Variants in APCDD1 observed in about 807,000 individuals in gnomAD.
APCDD1 encodes the protein APC down-regulated 1, also known as protein APCDD1.
In APCDD1, 15 loss-of-function variants were observed where a neutral mutation model predicts 38.1. The ratio of observed to expected loss-of-function variants is 0.39; its 90% CI spans 0.26 to 0.61. The LOEUF (loss-of-function observed/expected upper bound fraction) is 0.61. APCDD1 is among the 20% of genes least tolerant of loss of function. The pLI, the probability that APCDD1 is intolerant of heterozygous loss-of-function variation, is 0.49. For missense variants in APCDD1, 647 were observed against 696.2 expected (o/e 0.93, Z 0.79); for synonymous variants, 261 against 279.7 (o/e 0.93, Z 0.67).
intron 1 of APCDD1, among the ~76,000 whole-genome samples, chr18:10,455,879 C>T (rs777642325): frequency 2.0e-5 from 3 of 152,158 alleles, no homozygotes; most frequent in South Asian, 2.1e-4. Flanking sequence ...CCTGACAAGC[C>T]GTGGCAGATC....
intron 1 of APCDD1, among the ~76,000 whole-genome samples, chr18:10,459,318 A>ACG (rs1568000645): frequency 1.4e-5 from 2 of 146,690 alleles, no homozygotes; most frequent in Non-Finnish European, 3.0e-5. Context: ...ACAAGCGTGC[A>ACG]CACACACACA....
chr18:10,455,879 C>G (rs777642325), intron 1 of APCDD1, among the ~76,000 whole-genome samples: 1 of 152,158 alleles, frequency 6.6e-6, no homozygotes, highest in Admixed American at 6.5e-5. Context: ...CCTGACAAGC[C>G]GTGGCAGATC....
Position 10,487,652 on chromosome 18 carries a change from G to A in APCDD1, c.1159G>A (p.Gly387Arg), listed in dbSNP as rs375861639. 4.2e-5 allele frequency: 68 copies of A among 1,614,180 alleles called. No individual in the cohort carries two copies. The highest frequency in any genetic ancestry group is 2.7e-4 in the East Asian group (12 of 44,886). ...AGCCTCACTGCTCAACGTCTTCAACGGGAATGAGTGCGGGGCCGAGGGCTC... is the reference window on the plus strand; with the variant it reads ...AGCCTCACTGCTCAACGTCTTCAACAGGAATGAGTGCGGGGCCGAGGGCTC... ...ATASLLNVFN[G>R]NECGAEGSWQ... The change falls in exon 5 of 5, where the codon GGG (glycine) becomes AGG (arginine). Residue 387 changes from glycine (G) to arginine (R), a missense_variant. By Grantham distance (125) the Gly-to-Arg change is moderately radical. Coordinates refer to ENST00000355285, the MANE Select transcript of APCDD1 (RefSeq NM_153000.5).
chr18:10,488,767 G>C lies in APCDD1; in HGVS notation c.*729G>C, dbSNP rs931483080. 1 of 125,716 alleles carries C rather than the reference G, an allele frequency of 8.0e-6. No individual in the cohort carries two copies. The highest frequency in any genetic ancestry group is 1.7e-5 in the Non-Finnish European group (1 of 60,198). 7.8% of individuals were successfully genotyped at this position (125,716 alleles called of 1,614,324 possible). A position where few individuals can be genotyped will look rare whatever the true frequency, so the allele number is the denominator to read the frequency against. ...GGCTTGTTGGCTTCTGGTTGTTGCA[G>C]GAGGCATGTGGCTTCCTGCCTTCTC... On this transcript the variant is annotated 3_prime_UTR_variant, in exon 5 of 5. Coordinates refer to ENST00000355285, the MANE Select transcript of APCDD1 (RefSeq NM_153000.5).
rs906424488 is a variant in APCDD1, at chr18:10,469,629, G to A, written c.242+977G>A. Among the ~76,000 whole-genome samples, 4 of 152,204 alleles carry A rather than the reference G, an allele frequency of 2.6e-5. No homozygotes were observed. Among genetic ancestry groups the A allele is most frequent in the African/African-American group, 9.7e-5 (4 of 41,444 alleles). Reference sequence around the variant, plus strand: ...TAAATACACAAGAAGTACTATGAAAGTGGAGGGGTTGGGGCAGCAACAGGT... The same window carrying A: ...TAAATACACAAGAAGTACTATGAAAATGGAGGGGTTGGGGCAGCAACAGGT... On this transcript the variant is annotated intron_variant, in intron 2 of 4. Coordinates refer to ENST00000355285, the MANE Select transcript of APCDD1 (RefSeq NM_153000.5). The surrounding 1 kb of genome is among the most constrained non-coding windows in gnomAD (Gnocchi z 5.5).
Position 10,471,751 on chromosome 18 carries a change from A to C in APCDD1, c.464A>C (p.His155Pro). ...YQLHNVQVIC[H>P]TEAVAEKLGQ... ...CTGCACAACGTCCAGGTGATCTGCC[A>C]CACAGAGGCGGTGGCCGAGAAGCTC... The change falls in exon 3 of 5, where the codon CAC (histidine) becomes CCC (proline). Residue 155 changes from histidine to proline, a missense_variant. By Grantham distance (77) the His-to-Pro change is moderately conservative. Coordinates refer to ENST00000355285, the MANE Select transcript of APCDD1 (RefSeq NM_153000.5). This position sits in a 1 kb window ranked among gnomAD's most constrained non-coding sequence, Gnocchi z 5.5. 6.2e-7 allele frequency: 1 copy of C among 1,613,806 alleles called. No individual in the cohort carries two copies. The highest frequency in any genetic ancestry group is 8.5e-7 in the Non-Finnish European group (1 of 1,179,774).
At position 10,454,871 on chromosome 18, in the gene APCDD1, C is replaced by T; in HGVS notation, c.-111C>T. The T allele has an allele frequency of 8.5e-7, 1 of 1,182,712 alleles. No homozygotes were observed. The highest frequency in any genetic ancestry group is 4.8e-5 in the Admixed American group (1 of 20,676). 73.3% of individuals were successfully genotyped at this position (1,182,712 alleles called of 1,614,324 possible). A position where few individuals can be genotyped will look rare whatever the true frequency, so the allele number is the denominator to read the frequency against. ...GGGCGCGCGGCAGCCGCCTGAAGCC[C>T]CGGCCTGGCCCGGCCGCACCCGGCC... On this transcript the variant is annotated 5_prime_UTR_variant, in exon 1 of 5. Coordinates refer to ENST00000355285, the MANE Select transcript of APCDD1 (RefSeq NM_153000.5).
Position 10,470,343 on chromosome 18 carries a change from T to C in APCDD1, c.243-1187T>C, listed in dbSNP as rs118153609. ...AAATCTGGGGTGTTTGCTCTCTCCT[T>C]TTTCTAAGATTACAGATACCCCAGG... On this transcript the variant is annotated intron_variant, in intron 2 of 4. Transcript: ENST00000355285. The surrounding 1 kb of genome is among the most constrained non-coding windows in gnomAD (Gnocchi z 4.1). 1.3e-3 allele frequency among the ~76,000 whole-genome samples: 195 copies of C among 152,350 alleles called. 1 individual carries two copies. Among genetic ancestry groups the C allele is most frequent in the Middle Eastern group, 6.8e-3 (2 of 294 alleles).
At chr18:10,459,151 G>T (rs2030462504) in intron 1 of APCDD1, among the ~76,000 whole-genome samples, 1 of 152,222 alleles carries the variant, frequency 6.6e-6, no homozygotes, top group African/African-American at 2.4e-5. Flanking sequence ...GCCACCACTT[G>T]CCAGGTCCAC....
At position 10,485,031 on chromosome 18, in the gene APCDD1, T is replaced by C. The variant is rs1412417555; in HGVS notation, c.775-431T>C. The stretch of plus-strand genomic sequence containing the variant: ...TGAGGAACCACCTTACTGTTTTCCA[T>C]AGTGGCTGGACCATTGTATATTCTC... On this transcript the variant is annotated intron_variant, in intron 3 of 4. Transcript: ENST00000355285. The surrounding 1 kb of genome is among the most constrained non-coding windows in gnomAD (Gnocchi z 5.8). 1.3e-5 allele frequency among the ~76,000 whole-genome samples: 2 copies of C among 152,206 alleles called. No individual in the cohort carries two copies. Among genetic ancestry groups the C allele is most frequent in the Admixed American group, 6.5e-5 (1 of 15,282 alleles).
At chr18:10,479,245 G>A (rs558448836) in intron 3 of APCDD1, among the ~76,000 whole-genome samples, 26 of 152,262 alleles carry the variant, frequency 1.7e-4, no homozygotes, top group African/African-American at 5.8e-4. Context: ...TTTTTTATCC[G>A]AGGGAACAAA....
intron 3 of APCDD1, among the ~76,000 whole-genome samples, chr18:10,484,544 C>G (rs543193364): frequency 6.6e-6 from 1 of 152,236 alleles, no homozygotes; most frequent in East Asian, 1.9e-4. Context: ...TTTTCATCTT[C>G]CCAGACTGAA....
At chr18:10,482,090 GAC>G (rs1383547044) in intron 3 of APCDD1, among the ~76,000 whole-genome samples, 2 of 152,158 alleles carry the variant, frequency 1.3e-5, no homozygotes, top group South Asian at 4.1e-4. Context: ...GTTGCTCCTC[GAC>G]GTCATCCCAG....
chr18:10,459,636 A>G (rs2030479267), intron 1 of APCDD1, among the ~76,000 whole-genome samples: 2 of 152,252 alleles, frequency 1.3e-5, no homozygotes, highest in African/African-American at 4.8e-5. Context: ...CTTGATAAGC[A>G]GAAGTACCAC....
intron 1 of APCDD1, among the ~76,000 whole-genome samples, chr18:10,456,670 G>C (rs1020546745): frequency 6.6e-6 from 1 of 152,152 alleles, no homozygotes; most frequent in Non-Finnish European, 1.5e-5. Context: ...GAGAGGTAGG[G>C]GTTGTAATTA....
rs764361338 is a variant in APCDD1, at chr18:10,485,767, C to G, written c.1080C>G (p.Thr360=). 2 of 1,613,086 alleles carry G rather than the reference C, an allele frequency of 1.2e-6. No homozygotes were observed. Among genetic ancestry groups the G allele is most frequent in the Non-Finnish European group, 1.7e-6 (2 of 1,180,026 alleles). The change falls in exon 4 of 5, where the codon ACC becomes ACG. Residue 360 remains threonine, a synonymous_variant. Coordinates refer to ENST00000355285, the MANE Select transcript of APCDD1 (RefSeq NM_153000.5). This position sits in a 1 kb window ranked among gnomAD's most constrained non-coding sequence, Gnocchi z 5.8. ...TCTCGTCCAGGGTCATGGGAGGCAC[C>G]GAGTTCGTGTTCAAAGGTAGGATTC... ...GVLSSRVMGG[T]EFVFKVNHMK...
rs1010552502 is a variant in APCDD1, at chr18:10,475,161, A to G, written c.774+3100A>G. ...TAGAGTAAGTCGCCCTTCTGGGCCA[A>G]TGGCTCAGAGAGGAATGAAAATGAC... On this transcript the variant is annotated intron_variant, in intron 3 of 4. Coordinates refer to ENST00000355285, the MANE Select transcript of APCDD1 (RefSeq NM_153000.5). The surrounding 1 kb of genome is among the most constrained non-coding windows in gnomAD (Gnocchi z 4.0). Among the ~76,000 whole-genome samples, 2 of 152,238 alleles carry G rather than the reference A, an allele frequency of 1.3e-5. No homozygotes were observed. Among genetic ancestry groups the G allele is most frequent in the East Asian group, 1.9e-4 (1 of 5,190 alleles).
intron 3 of APCDD1, chr18:10,478,015 T>A (rs1337998625): frequency 6.6e-6 from 1 of 152,190 alleles, no homozygotes; most frequent in Non-Finnish European, 1.5e-5. Context: ...AGCTCACTTC[T>A]CAGATTCTAA....
At chr18:10,483,197 C>T (rs1242030403) in intron 3 of APCDD1, among the ~76,000 whole-genome samples, 3 of 152,236 alleles carry the variant, frequency 2.0e-5, no homozygotes, top group East Asian at 1.9e-4. Context: ...GACATCTTTC[C>T]GTGACGTAAT....
Sources: gnomAD v4.1 joint callset for allele counts (sites outside exome capture counted in the v4.1 genomes callset) on GRCh38, gnomAD v4.1.1 for gene constraint, Gnocchi (gnomAD v3.1) non-coding constraint, MANE v1.5 for transcripts, NCBI Gene and HGNC (gene_info 2026-07-23, HGNC 2026-07-21) for gene names.